ERBB4: variants seen among roughly 807,000 people sequenced by gnomAD.
ERBB4 encodes the protein erb-b2 receptor tyrosine kinase 4, also known as receptor tyrosine-protein kinase erbB-4.
A neutral mutation model predicts 158.0 loss-of-function variants in ERBB4; 42 were observed. That is an observed-to-expected ratio of 0.27 (90% CI 0.21 to 0.34). The LOEUF (loss-of-function observed/expected upper bound fraction) is 0.34. ERBB4 is among the 10% of genes least tolerant of loss of function. The probability of loss-of-function intolerance (pLI) is 1.00; values close to 1 mark genes in which losing one functional copy is unlikely to be tolerated. For missense variants in ERBB4, 1,333 were observed against 1,624.1 expected (o/e 0.82, Z 3.08); for synonymous variants, 583 against 558.7 (o/e 1.04, Z -0.61).
At chr2:212,205,551 G>A (rs73987283) in intron 1 of ERBB4, among the ~76,000 whole-genome samples, 2,085 of 152,170 alleles carry the variant, frequency 0.014, 37 homozygotes, top group African/African-American at 0.048. Context: ...CTCCATTAGT[G>A]AAAATCATGG....
At chr2:212,256,212 T>G (rs2084734106) in intron 1 of ERBB4, among the ~76,000 whole-genome samples, 1 of 152,110 alleles carries the variant, frequency 6.6e-6, no homozygotes, top group Non-Finnish European at 1.5e-5. Flanking sequence ...TCTCATCTGA[T>G]TCTCACAAGC....
At chr2:212,326,995 TG>T (rs2087870320) in intron 1 of ERBB4, among the ~76,000 whole-genome samples, 1 of 150,846 alleles carries the variant, frequency 6.6e-6, no homozygotes, top group African/African-American at 2.4e-5. Context: ...TTCATTGAGA[TG>T]TTAATAGCCT....
At chr2:212,318,478 A>T (rs1346187242) in intron 1 of ERBB4, among the ~76,000 whole-genome samples, 1 of 151,512 alleles carries the variant, frequency 6.6e-6, no homozygotes, top group Non-Finnish European at 1.5e-5. Context: ...TTTGCTCAAA[A>T]TAAAAGTTGT....
chr2:211,687,091 C>T (rs573754867), intron 12 of ERBB4, among the ~76,000 whole-genome samples: 7 of 150,558 alleles, frequency 4.6e-5, no homozygotes, highest in African/African-American at 1.7e-4. Context: ...GTCAGGAGAT[C>T]GAGACCATCC....
chr2:212,430,154 G>A (rs994973543), intron 1 of ERBB4, among the ~76,000 whole-genome samples: 4 of 152,230 alleles, frequency 2.6e-5, no homozygotes, highest in South Asian at 4.2e-4. Context: ...GCTTGGCTTT[G>A]AATATTAATT....
At chr2:211,442,477 A>G (rs992722103) in intron 20 of ERBB4, among the ~76,000 whole-genome samples, 2 of 152,086 alleles carry the variant, frequency 1.3e-5, no homozygotes, top group South Asian at 4.1e-4. Context: ...AGCTTTTTGG[A>G]TTTGCAGCTA....
At chr2:211,721,033 G>A (rs2074073777) in intron 7 of ERBB4, among the ~76,000 whole-genome samples, 1 of 152,144 alleles carries the variant, frequency 6.6e-6, no homozygotes, top group Non-Finnish European at 1.5e-5. Flanking sequence ...TTACCTGTGG[G>A]TGTGCTTCCC....
chr2:212,388,377 G>A (rs1175068411), intron 1 of ERBB4, among the ~76,000 whole-genome samples: 2 of 152,044 alleles, frequency 1.3e-5, no homozygotes, highest in African/African-American at 4.8e-5. Flanking sequence ...CAAATAATTA[G>A]ATTTGAAAGG....
chr2:212,059,864 C>G (rs1214729947), intron 2 of ERBB4, among the ~76,000 whole-genome samples: 2 of 152,098 alleles, frequency 1.3e-5, no homozygotes, highest in African/African-American at 4.8e-5. Context: ...GACAATACCA[C>G]TCAGGACACA....
At chr2:212,450,512 C>T (rs1196278018) in intron 1 of ERBB4, among the ~76,000 whole-genome samples, 1 of 152,044 alleles carries the variant, frequency 6.6e-6, no homozygotes, top group African/African-American at 2.4e-5. Flanking sequence ...TAGATAGGCA[C>T]CAGAAGCTGA....
chr2:211,771,291 T>C (rs915795564), intron 4 of ERBB4, among the ~76,000 whole-genome samples: 3 of 150,342 alleles, frequency 2.0e-5, no homozygotes, highest in African/African-American at 7.4e-5. Flanking sequence ...TCTCTGCTGG[T>C]CACCTTCATG....
At chr2:212,344,159 A>G (rs1337852307) in intron 1 of ERBB4, among the ~76,000 whole-genome samples, 1 of 152,194 alleles carries the variant, frequency 6.6e-6, no homozygotes, top group African/African-American at 2.4e-5. Flanking sequence ...ATACAAAGGA[A>G]TTAATGTCTC....
chr2:211,550,068 C>A (rs930352713), intron 20 of ERBB4, among the ~76,000 whole-genome samples: 7 of 152,040 alleles, frequency 4.6e-5, no homozygotes, highest in Admixed American at 6.6e-5. Flanking sequence ...AAATGTACAA[C>A]CAGATGTTTT....
chr2:212,481,255 A>G (rs1689683137), intron 1 of ERBB4, among the ~76,000 whole-genome samples: 1 of 152,106 alleles, frequency 6.6e-6, no homozygotes, highest in Non-Finnish European at 1.5e-5. Flanking sequence ...ACACACATAC[A>G]TGACTTTGTA....
intron 4 of ERBB4, among the ~76,000 whole-genome samples, chr2:211,763,376 A>G (rs1207508417): frequency 6.6e-6 from 1 of 152,168 alleles, no homozygotes; most frequent in East Asian, 1.9e-4. Flanking sequence ...TTGTCATGGG[A>G]AAACTGAGAT....
intron 1 of ERBB4, among the ~76,000 whole-genome samples, chr2:212,379,727 T>TC (rs2090440556): frequency 6.6e-6 from 1 of 151,386 alleles, no homozygotes; most frequent in African/African-American, 2.4e-5. Flanking sequence ...TAAAAATTAA[T>TC]CCCCCACCCT....
At chr2:211,693,312 A>G (rs1370929464) in intron 12 of ERBB4, among the ~76,000 whole-genome samples, 1 of 152,200 alleles carries the variant, frequency 6.6e-6, no homozygotes, top group Non-Finnish European at 1.5e-5. Flanking sequence ...TTATTATAGT[A>G]TAATTACCCA....
intron 16 of ERBB4, among the ~76,000 whole-genome samples, chr2:211,653,456 TCCCCCCCGCCCCCCGCACCCGCCC>T (rs936794752): frequency 1.1e-4 from 13 of 121,754 alleles, no homozygotes; most frequent in African/African-American, 3.3e-4. Context: ...ATTTAAATCT[TCCCCCCCGCCCCCCGCACCCGCCC>T]CCCCCCACGC....
chr2:212,263,108 A>G (rs1447035536), intron 1 of ERBB4, among the ~76,000 whole-genome samples: 1 of 152,176 alleles, frequency 6.6e-6, no homozygotes, highest in Non-Finnish European at 1.5e-5. Flanking sequence ...GGCTGCATGA[A>G]GATGGAGGCA....
Sources: gnomAD v4.1 joint callset for allele counts (sites outside exome capture counted in the v4.1 genomes callset) on GRCh38, gnomAD v4.1.1 for gene constraint, MANE v1.5 for transcripts, NCBI Gene and HGNC (gene_info 2026-07-23, HGNC 2026-07-21) for gene names.